OXR1: variants seen among roughly 807,000 people sequenced by gnomAD.
OXR1 encodes the protein oxidation resistance protein 1.
In OXR1, 41 loss-of-function variants were observed where a neutral mutation model predicts 104.6. That is an observed-to-expected ratio of 0.39 (90% confidence interval 0.31 to 0.51). The LOEUF is 0.51. Among genes scored for constraint, OXR1 ranks in the 20% least tolerant of loss-of-function variants. OXR1 has a pLI of 0.77. For synonymous variants in OXR1, 348 were observed against 348.4 expected, an observed-to-expected ratio of 1.00 and a Z score of 0.01; for missense variants, 955 against 1,031.9, an observed-to-expected ratio of 0.93 and a Z score of 1.02.
intron 3 of OXR1, among the ~76,000 whole-genome samples, chr8:106,590,648 C>T (rs905789722): frequency 1.3e-5 from 2 of 152,192 alleles, no homozygotes; most frequent in African/African-American, 4.8e-5. Context: ...ATGCATAGCC[C>T]CATGTCCTAA....
At chr8:106,740,827 T>G (rs1315076252) in intron 14 of OXR1, among the ~76,000 whole-genome samples, 1 of 152,092 alleles carries the variant, frequency 6.6e-6, no homozygotes. Context: ...AGGTAGAAAT[T>G]GACAGAATCT....
intron 2 of OXR1, among the ~76,000 whole-genome samples, chr8:106,369,319 T>G (rs1460666448): frequency 6.6e-6 from 1 of 152,240 alleles, no homozygotes; most frequent in East Asian, 1.9e-4. Flanking sequence ...ATGGGTAGAT[T>G]GCAAAAATTT....
At chr8:106,697,650 G>A (rs1330499235) in intron 7 of OXR1, 1 of 1,613,890 alleles carries the variant, frequency 6.2e-7, no homozygotes, top group African/African-American at 1.3e-5. Flanking sequence ...CACAGGCCAT[G>A]TTCTTTCCTT....
At chr8:106,445,181 A>G (rs142118505) in intron 2 of OXR1, among the ~76,000 whole-genome samples, 1 of 152,118 alleles carries the variant, frequency 6.6e-6, no homozygotes, top group Non-Finnish European at 1.5e-5. Flanking sequence ...AGACAAACAC[A>G]CTCATCTTAC....
At chr8:106,531,586 CAG>C (rs1220806706) in intron 3 of OXR1, among the ~76,000 whole-genome samples, 2 of 152,120 alleles carry the variant, frequency 1.3e-5, no homozygotes, top group African/African-American at 4.8e-5. Flanking sequence ...TAGGTGCCCA[CAG>C]AGAGTTGAAC....
chr8:106,486,925 T>C (rs1810696641), intron 2 of OXR1, among the ~76,000 whole-genome samples: 1 of 152,026 alleles, frequency 6.6e-6, no homozygotes, highest in Non-Finnish European at 1.5e-5. Flanking sequence ...GTTTTTAACC[T>C]GAAAAATTTT....
At chr8:106,292,868 G>C (rs1812814767) in intron 1 of OXR1, among the ~76,000 whole-genome samples, 3 of 152,226 alleles carry the variant, frequency 2.0e-5, no homozygotes, top group Admixed American at 2.0e-4. Flanking sequence ...AAGCCCAGGA[G>C]TGACCTACCT....
chr8:106,281,338 C>T (rs1812270143), intron 1 of OXR1, among the ~76,000 whole-genome samples: 3 of 152,080 alleles, frequency 2.0e-5, no homozygotes, highest in Non-Finnish European at 2.9e-5. Flanking sequence ...AATGGATAAA[C>T]AAATAGTCAT....
intron 1 of OXR1, among the ~76,000 whole-genome samples, chr8:106,340,817 T>C (rs1333488433): frequency 6.6e-6 from 1 of 152,178 alleles, no homozygotes; most frequent in Non-Finnish European, 1.5e-5. Flanking sequence ...ATGATTTACA[T>C]TTATACTATC....
chr8:106,287,482 A>C (rs1390460840), intron 1 of OXR1, among the ~76,000 whole-genome samples: 1 of 152,214 alleles, frequency 6.6e-6, no homozygotes, highest in Non-Finnish European at 1.5e-5. Flanking sequence ...CTCCAAGTAC[A>C]TTATGAAACA....
intron 1 of OXR1, among the ~76,000 whole-genome samples, chr8:106,278,921 G>A (rs182164306): frequency 6.6e-6 from 1 of 152,130 alleles, no homozygotes; most frequent in African/African-American, 2.4e-5. Context: ...TGGTAAGTAT[G>A]TCAGTGTAGC....
At chr8:106,370,801 G>A (rs1339182190) in intron 2 of OXR1, among the ~76,000 whole-genome samples, 1 of 152,134 alleles carries the variant, frequency 6.6e-6, no homozygotes, top group Admixed American at 6.5e-5. Context: ...TGGTTTGCTA[G>A]TATTTTATTG....
intron 11 of OXR1, among the ~76,000 whole-genome samples, chr8:106,722,511 C>A (rs1214552257): frequency 6.6e-6 from 1 of 152,046 alleles, no homozygotes; most frequent in Non-Finnish European, 1.5e-5. Flanking sequence ...TTTGGTTGGT[C>A]CCCTGAGATT....
At chr8:106,679,632 A>G (rs533941473) in intron 4 of OXR1, among the ~76,000 whole-genome samples, 1 of 152,198 alleles carries the variant, frequency 6.6e-6, no homozygotes, top group South Asian at 2.1e-4. Context: ...CAGCAGTGCT[A>G]GTGATAGTTA....
At chr8:106,453,155 C>T (rs931770062) in intron 2 of OXR1, among the ~76,000 whole-genome samples, 1 of 152,158 alleles carries the variant, frequency 6.6e-6, no homozygotes, top group Non-Finnish European at 1.5e-5. Context: ...TCTTTTCCAT[C>T]TCCAGTGGTG....
chr8:106,363,004 G>T (rs1816313295), intron 2 of OXR1, among the ~76,000 whole-genome samples: 1 of 152,172 alleles, frequency 6.6e-6, no homozygotes, highest in Non-Finnish European at 1.5e-5. Context: ...TCACTGTGAT[G>T]CCTGCACACA....
At chr8:106,700,271 G>T (rs1430873757) in intron 7 of OXR1, among the ~76,000 whole-genome samples, 1 of 152,140 alleles carries the variant, frequency 6.6e-6, no homozygotes, top group Non-Finnish European at 1.5e-5. Context: ...AAAATAATGA[G>T]ATGGGAGTGC....
At chr8:106,272,991 G>C (rs1022006548) in intron 1 of OXR1, 1 of 152,098 alleles carries the variant, frequency 6.6e-6, no homozygotes, top group Non-Finnish European at 1.5e-5. Context: ...GATTAGGTCC[G>C]GGTAGATCTT....
In OXR1 at chr8:106,335,467, C is replaced by T. The variant is rs577178952; in HGVS notation, c.-138-24009C>T. Among the ~76,000 whole-genome samples the T allele has an allele frequency of 5.9e-5, 9 of 152,248 alleles. No individual in the cohort carries two copies. In the South Asian group the frequency reaches 1.9e-3, roughly 32 times the overall value. On this transcript the variant is annotated intron_variant, in intron 1 of 16. Coordinates refer to ENST00000517566, the MANE Select transcript of OXR1 (RefSeq NM_001198533.2). Reference sequence around the variant, plus strand: ...GCTTACTACTAATAGTGTACTCATACTGCCCTTCTGGGTATCCAGAATTAA... The same window carrying T: ...GCTTACTACTAATAGTGTACTCATATTGCCCTTCTGGGTATCCAGAATTAA...
Sources: allele counts gnomAD v4.1 joint callset (sites outside exome capture counted in the v4.1 genomes callset), GRCh38; gene constraint gnomAD v4.1.1; transcripts MANE v1.5; gene names NCBI Gene and HGNC (gene_info 2026-07-23, HGNC 2026-07-21).